Variants in DSCAML1 observed in about 807,000 individuals in gnomAD.
DSCAML1 encodes the protein DS cell adhesion molecule like 1.
Under a neutral mutation model 200.5 loss-of-function variants are expected in DSCAML1, and 38 were observed. The ratio of observed to expected loss-of-function variants is 0.19; its 90% confidence interval spans 0.15 to 0.25. The LOEUF (loss-of-function observed/expected upper bound fraction) is 0.25. Ranked by LOEUF, DSCAML1 falls within the 10% of genes least tolerant of loss-of-function variation. The probability of loss-of-function intolerance (pLI) is 1.00; values close to 1 mark genes in which losing one functional copy is unlikely to be tolerated. For synonymous variants in DSCAML1, 1,215 were observed against 1,165.0 expected (o/e 1.04, Z -0.87); for missense variants, 2,223 against 2,858.8 (o/e 0.78, Z 5.07).
chr11:117,461,332 G>T, intron 18 of DSCAML1, 118 bp downstream of exon 18: 1 of 1,438,222 alleles, frequency 7.0e-7, no homozygotes, highest in East Asian at 2.3e-5. Flanking sequence ...AGAAGAGGGG[G>T]CTGCACTTCC....
intron 3 of DSCAML1, among the ~76,000 whole-genome samples, chr11:117,709,120 A>G (rs770321267): frequency 6.6e-6 from 1 of 152,234 alleles, no homozygotes; most frequent in Admixed American, 6.5e-5. Context: ...CAAACTTGGT[A>G]TGAAACTAAA....
intron 14 of DSCAML1, among the ~76,000 whole-genome samples, chr11:117,479,906 C>A (rs58080742): frequency 0.24 from 37,031 of 152,028 alleles, 4,845 homozygotes; most frequent in South Asian, 0.44. Flanking sequence ...CGTCAGCCTG[C>A]CAAAGTGTTG....
At chr11:117,797,589 G>T (rs1157391547), upstream of DSCAML1, among the ~76,000 whole-genome samples, 3 of 130,008 alleles carry the variant, frequency 2.3e-5, no homozygotes, top group Admixed American at 7.6e-5. Context: ...CAGCTTACCC[G>T]GCCCCCCCAC....
intron 3 of DSCAML1, among the ~76,000 whole-genome samples, chr11:117,536,462 A>G (rs746311081): frequency 2.6e-5 from 4 of 152,218 alleles, no homozygotes; most frequent in Non-Finnish European, 5.9e-5. Flanking sequence ...GGAGAAGGAA[A>G]AAATGGCAGC....
intron 3 of DSCAML1, among the ~76,000 whole-genome samples, chr11:117,769,117 TTA>T (rs1367044356): frequency 2.3e-5 from 3 of 128,138 alleles, no homozygotes; most frequent in African/African-American, 5.8e-5. Context: ...AATAGATATT[TTA>T]TATATATTAT....
At chr11:117,788,984 T>A (rs781290513) in intron 1 of DSCAML1, among the ~76,000 whole-genome samples, 13 of 152,156 alleles carry the variant, frequency 8.5e-5, no homozygotes, top group Non-Finnish European at 1.6e-4. Context: ...CATTAGACAT[T>A]CCATCCCTCC....
At chr11:117,816,746 T>C (rs1465449391) in intron 1 of DSCAML1, among the ~76,000 whole-genome samples, 1 of 144,362 alleles carries the variant, frequency 6.9e-6, no homozygotes, top group African/African-American at 2.5e-5. Context: ...GCTCAGTTCT[T>C]TGGGGGCACC....
At chr11:117,657,151 G>A (rs2052752747) in intron 3 of DSCAML1, among the ~76,000 whole-genome samples, 1 of 152,154 alleles carries the variant, frequency 6.6e-6, no homozygotes, top group African/African-American at 2.4e-5. Flanking sequence ...CCTCTGCCCT[G>A]TCCATCAACA....
chr11:117,673,602 G>C (rs1404446810), intron 3 of DSCAML1, among the ~76,000 whole-genome samples: 1 of 152,184 alleles, frequency 6.6e-6, no homozygotes, highest in Non-Finnish European at 1.5e-5. Flanking sequence ...GACATGTCCT[G>C]TGCAGTCACA....
At chr11:117,525,270 C>A (rs1471155872) in intron 4 of DSCAML1, among the ~76,000 whole-genome samples, 187 bp from the exon 5 acceptor site, 1 of 152,080 alleles carries the variant, frequency 6.6e-6, no homozygotes, top group African/African-American at 2.4e-5. Flanking sequence ...TCAGGCCAGA[C>A]CAAGCCCCAG....
intron 3 of DSCAML1, among the ~76,000 whole-genome samples, chr11:117,705,338 T>C (rs1281067715): frequency 3.3e-5 from 5 of 152,182 alleles, no homozygotes; most frequent in Non-Finnish European, 7.4e-5. Flanking sequence ...AGCATGAATG[T>C]TGTTTTTCTT....
chr11:117,453,484 T>A (rs563208506), intron 19 of DSCAML1, among the ~76,000 whole-genome samples: 24 of 152,316 alleles, frequency 1.6e-4, no homozygotes, highest in Non-Finnish European at 2.4e-4. Context: ...CTTTATTTCA[T>A]CTTAATCATG....
chr11:117,597,311 C>G (rs1013748524), intron 3 of DSCAML1, among the ~76,000 whole-genome samples: 1 of 152,158 alleles, frequency 6.6e-6, no homozygotes, highest in Non-Finnish European at 1.5e-5. Flanking sequence ...GCCTCAGTCA[C>G]CTTACTTGCT....
chr11:117,611,000 T>A (rs1435112943), intron 3 of DSCAML1: 2 of 152,250 alleles, frequency 1.3e-5, no homozygotes, highest in Non-Finnish European at 2.9e-5. Context: ...CTGCTAAGCA[T>A]GGACCTGTTT....
chr11:117,504,912 C>T lies in DSCAML1; in HGVS notation c.2182+12G>A, dbSNP rs1415721995. 6.3e-7 allele frequency: 1 copy of T among 1,597,778 alleles called. No individual in the cohort carries two copies. The highest frequency in any genetic ancestry group is 1.1e-5 in the South Asian group (1 of 88,084). On this transcript the variant is annotated intron_variant, in intron 10 of 32. Coordinates refer to ENST00000651296, the MANE Select transcript of DSCAML1 (RefSeq NM_020693.4). This position sits in a 1 kb window ranked among gnomAD's most constrained non-coding sequence, Gnocchi z 5.0. ...GCCCTTCTTGGAGATTCTGGCTGGG[C>T]CAGGGGCTTACCCTTGGCATGCTTC... is the stretch of plus-strand genomic sequence containing the variant.
In DSCAML1 at chr11:117,780,795, A is replaced by T. The variant is rs763310033; in HGVS notation, c.62T>A (p.Val21Asp). ...DSLHKARPED[V>D]GTSLYFVNDS... ...ATTTACAAAGTAGAGGCTGGTGCCA[A>T]CATCTTCAGGGCGGGCTGCAGGAGA... Residue 21 changes from valine (V) to aspartate (D), a missense_variant, in exon 2 of 33, where the codon GTT (valine) becomes GAT (aspartate). Physicochemically the swap from Val to Asp is radical, Grantham distance 152. Around this residue, in one of 7 missense-constraint regions of DSCAML1, gnomAD observed 579 missense variants for 721.5 expected, o/e 0.80. Transcript: ENST00000651296. The surrounding 1 kb of genome is among the most constrained non-coding windows in gnomAD (Gnocchi z 4.8). The T allele has an allele frequency of 1.4e-6, 2 of 1,467,234 alleles. No homozygotes were observed. The highest frequency in any genetic ancestry group is 5.1e-5 in the Admixed American group (2 of 39,192). The allele number at this position is 1,467,234 out of a possible 1,614,324, so 90.9% of individuals were successfully genotyped here.
intron 8 of DSCAML1, among the ~76,000 whole-genome samples, chr11:117,511,366 T>A (rs1219440441): frequency 1.3e-5 from 2 of 152,170 alleles, no homozygotes; most frequent in Non-Finnish European, 2.9e-5. Flanking sequence ...GGAATGGAGA[T>A]GTTTCTTCAC....
chr11:117,674,741 G>A (rs1358577280), intron 3 of DSCAML1, among the ~76,000 whole-genome samples: 2 of 152,094 alleles, frequency 1.3e-5, no homozygotes, highest in Non-Finnish European at 2.9e-5. Context: ...TCCTCACAAA[G>A]CCCTCAGAGA....
chr11:117,580,998 C>T (rs1179578328), intron 3 of DSCAML1, among the ~76,000 whole-genome samples: 2 of 152,166 alleles, frequency 1.3e-5, no homozygotes, highest in Non-Finnish European at 1.5e-5. Context: ...AACAAAACCT[C>T]GCAGTCATTC....
Sources: allele counts gnomAD v4.1 joint callset (sites outside exome capture counted in the v4.1 genomes callset), GRCh38; gene constraint gnomAD v4.1.1; regional missense constraint gnomAD v4.1.1; non-coding constraint Gnocchi (gnomAD v3.1); transcripts MANE v1.5; gene names NCBI Gene and HGNC (gene_info 2026-07-23, HGNC 2026-07-21).